The following MUSK variants were observed in gnomAD, a reference collection of about 807,000 sequenced individuals.
MUSK encodes muscle, skeletal receptor tyrosine-protein kinase.
A neutral mutation model predicts 88.7 loss-of-function variants in MUSK; 55 were observed. That is an observed-to-expected ratio of 0.62 (90% confidence interval 0.50 to 0.78). The LOEUF (loss-of-function observed/expected upper bound fraction) is 0.78, where lower values mean the gene tolerates loss of function less well. MUSK is among the 30% of genes least tolerant of loss of function. MUSK has a pLI of 0.00. For synonymous variants in MUSK, 387 were observed against 391.9 expected, an observed-to-expected ratio of 0.99 and a Z score of 0.15; for missense variants, 1,015 against 1,074.3, an observed-to-expected ratio of 0.94 and a Z score of 0.77.
intron 1 of MUSK, among the ~76,000 whole-genome samples, chr9:110,675,998 A>T (rs1365640163): frequency 3.9e-5 from 6 of 152,028 alleles, no homozygotes; most frequent in Non-Finnish European, 5.9e-5. Flanking sequence ...TATACTATTA[A>T]TTGCTTATTT....
In MUSK at chr9:110,681,053, T is replaced by TA. The variant is rs1564209546; in HGVS notation, c.80-1620dup. Among the ~76,000 whole-genome samples the TA allele has an allele frequency of 1.1e-3, 41 of 36,330 alleles. 4 individuals are homozygous for TA. Among genetic ancestry groups the TA allele is most frequent in the African/African-American group, 9.0e-3 (41 of 4,534 alleles). 23.8% of individuals were successfully genotyped at this position (36,330 alleles called of 152,430 possible). A position where few individuals can be genotyped will look rare whatever the true frequency, so the allele number is the denominator to read the frequency against. ...ATTATATATTATATAATATATATTA[T>TA]ATATTATATATATAATATTATATAT... On this transcript the variant is annotated intron_variant, in intron 1 of 14. Coordinates refer to ENST00000374448, the MANE Select transcript of MUSK (RefSeq NM_005592.4).
intron 11 of MUSK, among the ~76,000 whole-genome samples, chr9:110,783,075 A>G (rs1011358190): frequency 6.6e-6 from 1 of 152,078 alleles, no homozygotes; most frequent in East Asian, 1.9e-4. Flanking sequence ...CCTATTTCAA[A>G]TGCTTTAGGC....
At chr9:110,757,190 T>G (rs1349209613) in intron 7 of MUSK, among the ~76,000 whole-genome samples, 1 of 152,172 alleles carries the variant, frequency 6.6e-6, no homozygotes, top group African/African-American at 2.4e-5. Context: ...CTGGATACAG[T>G]GGCTCATGCC....
chr9:110,799,039 T>A (rs956112565), intron 14 of MUSK, among the ~76,000 whole-genome samples: 1 of 152,132 alleles, frequency 6.6e-6, no homozygotes, highest in South Asian at 2.1e-4. Context: ...GATAGGTAAG[T>A]CCCTGTTAAC....
At chr9:110,772,561 T>G (rs1362484801) in intron 9 of MUSK, among the ~76,000 whole-genome samples, 1 of 152,006 alleles carries the variant, frequency 6.6e-6, no homozygotes, top group Non-Finnish European at 1.5e-5. Context: ...GTTTTTTCTC[T>G]GATATATAAT....
intron 1 of MUSK, among the ~76,000 whole-genome samples, chr9:110,680,486 C>A (rs981837311): frequency 2.0e-5 from 3 of 150,880 alleles, no homozygotes; most frequent in East Asian, 3.9e-4. Context: ...TGGGTTCAAG[C>A]GATTATAGTA....
chr9:110,716,720 AT>A (rs2076748462), intron 5 of MUSK, among the ~76,000 whole-genome samples: 2 of 149,922 alleles, frequency 1.3e-5, no homozygotes, highest in Non-Finnish European at 2.9e-5. Context: ...AATTTGGAGA[AT>A]TTTAGTTTTG....
intron 1 of MUSK, among the ~76,000 whole-genome samples, chr9:110,669,929 T>C (rs1419133661): frequency 2.6e-5 from 4 of 152,184 alleles, no homozygotes; most frequent in Non-Finnish European, 5.9e-5. Flanking sequence ...CCCTTTATAT[T>C]AATCAAAGCA....
chr9:110,718,786 G>C (rs189972294), intron 5 of MUSK, among the ~76,000 whole-genome samples: 300 of 152,172 alleles, frequency 2.0e-3, no homozygotes, highest in Non-Finnish European at 3.7e-3. Context: ...TAGTTATCAG[G>C]TTATCTAGAA....
intron 5 of MUSK, among the ~76,000 whole-genome samples, chr9:110,698,570 C>T (rs2076462056): frequency 6.6e-6 from 1 of 152,008 alleles, no homozygotes; most frequent in Admixed American, 6.6e-5. Flanking sequence ...ATTTTTATTT[C>T]CTTGATGGAC....
chr9:110,717,431 G>C (rs1471488821), intron 5 of MUSK, among the ~76,000 whole-genome samples: 1 of 149,476 alleles, frequency 6.7e-6, no homozygotes, highest in Non-Finnish European at 1.5e-5. Flanking sequence ...TTATCTAACA[G>C]CACCTTCCCT....
At chr9:110,696,199 C>T (rs773108990) in intron 4 of MUSK, among the ~76,000 whole-genome samples, 33 of 151,930 alleles carry the variant, frequency 2.2e-4, no homozygotes, top group Non-Finnish European at 3.7e-4. Flanking sequence ...ATAACTTGAA[C>T]CCGAGAGGCA....
chr9:110,773,190 A>T, intron 9 of MUSK, among the ~76,000 whole-genome samples: 1 of 152,246 alleles, frequency 6.6e-6, no homozygotes, highest in Non-Finnish European at 1.5e-5. Context: ...CAACTTATAT[A>T]TAACTTTAGA....
intron 3 of MUSK, among the ~76,000 whole-genome samples, chr9:110,689,191 C>CAT (rs1338079042): frequency 1.4e-3 from 19 of 13,828 alleles, no homozygotes; most frequent in Non-Finnish European, 2.3e-3. Context: ...ATAAATATAT[C>CAT]ATATATATAT....
intron 11 of MUSK, among the ~76,000 whole-genome samples, chr9:110,781,212 T>A (rs1275950554): frequency 6.6e-6 from 1 of 151,588 alleles, no homozygotes; most frequent in African/African-American, 2.4e-5. Context: ...GACTCCATTC[T>A]ACTCTCTTAA....
intron 3 of MUSK, among the ~76,000 whole-genome samples, chr9:110,693,929 T>A (rs2076392014): frequency 6.6e-6 from 1 of 152,156 alleles, no homozygotes; most frequent in African/African-American, 2.4e-5. Flanking sequence ...GCCAGTACTG[T>A]ATTTACATGT....
chr9:110,772,739 G>A (rs1211561244), intron 9 of MUSK, among the ~76,000 whole-genome samples: 1 of 151,910 alleles, frequency 6.6e-6, no homozygotes, highest in Admixed American at 6.6e-5. Context: ...ATGTTTTCTT[G>A]CAATTCTGAC....
At chr9:110,762,596 T>G (rs949703140) in intron 8 of MUSK, among the ~76,000 whole-genome samples, 2 of 152,146 alleles carry the variant, frequency 1.3e-5, no homozygotes, top group African/African-American at 4.8e-5. Context: ...CTAAGAAAGT[T>G]TCTTTGAACT....
chr9:110,754,340 A>G (rs1457744133), intron 7 of MUSK, among the ~76,000 whole-genome samples: 2 of 152,204 alleles, frequency 1.3e-5, no homozygotes, highest in Non-Finnish European at 2.9e-5. Flanking sequence ...TAAAGATACT[A>G]TAATATTGGT....
Sources: allele counts gnomAD v4.1 joint callset (sites outside exome capture counted in the v4.1 genomes callset), GRCh38; gene constraint gnomAD v4.1.1; transcripts MANE v1.5; gene names NCBI Gene and HGNC (gene_info 2026-07-23, HGNC 2026-07-21).